The following WARS2 variants were observed in gnomAD, a reference collection of about 807,000 sequenced individuals.
WARS2 encodes the protein tryptophan--tRNA ligase, mitochondrial.
Under a neutral mutation model 36.5 loss-of-function variants are expected in WARS2, and 28 were observed. The observed-to-expected ratio is 0.77, with a 90% CI of 0.57 to 1.05. The LOEUF is 1.05. Among genes scored for constraint, WARS2 ranks in the 50% least tolerant of loss-of-function variants. The pLI is 0.00. For synonymous variants in WARS2, 174 were observed against 178.4 expected (o/e 0.98, Z 0.20); for missense variants, 435 against 456.8 (o/e 0.95, Z 0.44).
At chr1:119,128,666 C>T (rs1447786911) in intron 1 of WARS2, among the ~76,000 whole-genome samples, 1 of 141,566 alleles carries the variant, frequency 7.1e-6, no homozygotes, top group Non-Finnish European at 1.5e-5. Context: ...AAATGGTATT[C>T]AGCTGACAGT....
At chr1:119,056,690 T>C (rs57718184) in intron 2 of WARS2, among the ~76,000 whole-genome samples, 33,283 of 151,566 alleles carry the variant, frequency 0.22, 5,008 homozygotes, top group East Asian at 0.52. Flanking sequence ...ATTTTGATTC[T>C]CCCAAAAGAA....
At position 119,132,797 on chromosome 1, in the gene WARS2, T is replaced by C. The variant is rs587725776; in HGVS notation, c.90+7758A>G. Among the ~76,000 whole-genome samples, 46 of 152,294 alleles carry C rather than the reference T, an allele frequency of 3.0e-4. 1 individual carries two copies. Among genetic ancestry groups the C allele is most frequent in the African/African-American group, 9.6e-4 (40 of 41,580 alleles). On this transcript the variant is annotated intron_variant, in intron 1 of 5. Coordinates refer to ENST00000235521, the MANE Select transcript of WARS2 (RefSeq NM_015836.4). ...GCTAATTTTAAAGCCTCATCACCAT[T>C]CTAATTAATATACTAATATACTCAC...
At chr1:119,096,696 G>A (rs1384859431) in intron 1 of WARS2, among the ~76,000 whole-genome samples, 2 of 151,958 alleles carry the variant, frequency 1.3e-5, no homozygotes, top group Admixed American at 1.3e-4. Flanking sequence ...AAAATAATTA[G>A]CATGAATAGA....
chr1:119,078,591 A>G lies in WARS2; in HGVS notation c.91-1984T>C, dbSNP rs587685156. ...TCTTTGATTATTAAAGAAGTTGGGA[A>G]CTCTTTTTATGATTACTACCTATTT... On this transcript the variant is annotated intron_variant, in intron 1 of 5. Transcript: ENST00000235521. Among the ~76,000 whole-genome samples the G allele has an allele frequency of 3.9e-5, 6 of 151,986 alleles. No individual in the cohort carries two copies. In the East Asian group the frequency reaches 9.7e-4, roughly 25 times the overall value.
chr1:119,033,485 G>T (rs1647621726), intron 5 of WARS2, 126 bp from the exon 6 acceptor site: 2 of 1,178,492 alleles, frequency 1.7e-6, no homozygotes, highest in South Asian at 1.4e-5. Flanking sequence ...CTTTACAGTG[G>T]TGCAAATGTG....
At chr1:119,132,459 C>T (rs1656183893) in intron 1 of WARS2, among the ~76,000 whole-genome samples, 1 of 152,158 alleles carries the variant, frequency 6.6e-6, no homozygotes, top group South Asian at 2.1e-4. Flanking sequence ...CAACTTCGCA[C>T]TGCACACTTA....
chr1:119,135,129 A>G (rs587706075), intron 1 of WARS2, among the ~76,000 whole-genome samples: 1 of 152,366 alleles, frequency 6.6e-6, no homozygotes, highest in East Asian at 1.9e-4. Flanking sequence ...ACATCAAAGT[A>G]AATACTCTCA....
chr1:119,117,390 G>A (rs1308004429), intron 1 of WARS2, among the ~76,000 whole-genome samples: 1 of 152,150 alleles, frequency 6.6e-6, no homozygotes, highest in African/African-American at 2.4e-5. Context: ...GAGCTCCATG[G>A]CCCTGCCCAT....
intron 2 of WARS2, among the ~76,000 whole-genome samples, chr1:119,060,920 T>C (rs1650321728): frequency 6.6e-6 from 1 of 152,150 alleles, no homozygotes; most frequent in Non-Finnish European, 1.5e-5. Flanking sequence ...GTATTAACTC[T>C]ACCCAAGTAT....
At chr1:119,076,647 G>A in intron 1 of WARS2, 40 bp from the exon 2 acceptor site, 1 of 1,607,586 alleles carries the variant, frequency 6.2e-7, no homozygotes, top group Non-Finnish European at 8.5e-7. Flanking sequence ...TTTTGAGGCA[G>A]AATCCCATGA....
At chr1:119,135,406 A>C (rs1241820642) in intron 1 of WARS2, among the ~76,000 whole-genome samples, 3 of 152,196 alleles carry the variant, frequency 2.0e-5, no homozygotes, top group Non-Finnish European at 4.4e-5. Context: ...GTTTTATATA[A>C]CAGGGATTCA....
intron 1 of WARS2, among the ~76,000 whole-genome samples, chr1:119,115,801 C>T (rs1385242944): frequency 6.6e-6 from 1 of 152,196 alleles, no homozygotes; most frequent in Non-Finnish European, 1.5e-5. Flanking sequence ...ACACCCATGA[C>T]ACTTTCTGTG....
Position 119,045,598 on chromosome 1 carries a change from T to C in WARS2, c.413A>G (p.His138Arg), listed in dbSNP as rs932194412. 3.1e-6 allele frequency: 5 copies of C among 1,594,208 alleles called. No individual in the cohort carries two copies. In the South Asian group the frequency reaches 3.4e-5, roughly 11 times the overall value. Reference sequence around the variant, plus strand: ...GGCATTTACCTTCCACTGATGTAAATGTTGTAATCGAGGTAGTCTGACCAT... The same window carrying C: ...GGCATTTACCTTCCACTGATGTAAACGTTGTAATCGAGGTAGTCTGACCAT... ...SCMVRLPRLQ[H>R]LHQWKAKTTK... Residue 138 changes from histidine (H) to arginine (R), a missense_variant, in exon 3 of 6, where the codon CAT (histidine) becomes CGT (arginine). His to Arg is a conservative substitution (Grantham distance 29). Coordinates refer to ENST00000235521, the MANE Select transcript of WARS2 (RefSeq NM_015836.4).
At chr1:119,036,129 G>A (rs1259186858) in intron 4 of WARS2, among the ~76,000 whole-genome samples, 5 of 152,148 alleles carry the variant, frequency 3.3e-5, no homozygotes, top group Admixed American at 3.3e-4. Flanking sequence ...TCTTGAACCC[G>A]GAGGCGGAGG....
Position 119,042,264 on chromosome 1 carries a change from T to C in WARS2, c.515A>G (p.Lys172Arg). The C allele has an allele frequency of 6.2e-7, 1 of 1,613,848 alleles. No individual in the cohort carries two copies. ...AGACTGGGCTGAACTCTCTTCTTAC[T>C]TGTACAACAGAATGTCGGCTGCCTG... ...VLQAADILLY[K>R]STHVPVGEDQ... The change falls in exon 4 of 6, where the codon AAG becomes AGG. Residue 172 changes from lysine (K) to arginine (R), a missense_variant and splice_region_variant. Physicochemically the swap from Lys to Arg is conservative, Grantham distance 26 (BLOSUM62 2). Transcript: ENST00000235521.
At chr1:119,086,840 A>C (rs1273489046) in intron 1 of WARS2, among the ~76,000 whole-genome samples, 1 of 151,980 alleles carries the variant, frequency 6.6e-6, no homozygotes, top group African/African-American at 2.4e-5. Flanking sequence ...TTCTCCAATC[A>C]CACCACCTGG....
chr1:119,076,207 A>C (rs1163006296), intron 2 of WARS2, 143 bp downstream of exon 2: 3 of 995,370 alleles, frequency 3.0e-6, no homozygotes, highest in South Asian at 1.7e-5. Context: ...GTAAAACATT[A>C]AGCTGAAAAA....
chr1:119,083,265 A>C (rs911611397), intron 1 of WARS2, among the ~76,000 whole-genome samples: 2 of 151,658 alleles, frequency 1.3e-5, no homozygotes, highest in African/African-American at 4.9e-5. Flanking sequence ...GATTTAGAGA[A>C]AGTATACACT....
At chr1:119,068,016 TATA>T (rs1178896492) in intron 2 of WARS2, among the ~76,000 whole-genome samples, 1 of 152,210 alleles carries the variant, frequency 6.6e-6, no homozygotes, top group Non-Finnish European at 1.5e-5. Flanking sequence ...AGTTTGATGA[TATA>T]ATAATTTTCC....
Sources: gnomAD v4.1 joint callset for allele counts (sites outside exome capture counted in the v4.1 genomes callset) on GRCh38, gnomAD v4.1.1 for gene constraint, MANE v1.5 for transcripts, NCBI Gene and HGNC (gene_info 2026-07-23, HGNC 2026-07-21) for gene names.